The following CLEC16A variants were observed in gnomAD, a reference collection of about 807,000 sequenced individuals.
CLEC16A encodes C-type lectin domain containing 16A.
CLEC16A carries 51 observed loss-of-function variants against 109.5 expected under a neutral mutation model. The observed-to-expected ratio is 0.47, with a 90% confidence interval of 0.37 to 0.59. The LOEUF is 0.59. Ranked by LOEUF, CLEC16A falls within the 20% of genes least tolerant of loss-of-function variation. The pLI, the probability that CLEC16A is intolerant of heterozygous loss-of-function variation, is 0.00. For missense variants in CLEC16A, 1,339 were observed against 1,394.0 expected, an observed-to-expected ratio of 0.96 and a Z score of 0.63; for synonymous variants, 673 against 564.2, an observed-to-expected ratio of 1.19 and a Z score of -2.73.
intron 19 of CLEC16A, among the ~76,000 whole-genome samples, chr16:11,100,579 C>T (rs573284789): frequency 6.6e-6 from 1 of 152,244 alleles, no homozygotes; most frequent in East Asian, 1.9e-4. Context: ...TGGGCATTTC[C>T]TGCTTGGGGT....
At chr16:11,000,794 G>A (rs2044624344) in intron 10 of CLEC16A, among the ~76,000 whole-genome samples, 1 of 152,234 alleles carries the variant, frequency 6.6e-6, no homozygotes, top group East Asian at 1.9e-4. Context: ...CTTTCAATTA[G>A]GTTTTGTTTT....
At chr16:10,969,346 G>C in intron 4 of CLEC16A, 37 bp downstream of exon 4, 7 of 1,380,444 alleles carry the variant, frequency 5.1e-6, no homozygotes, top group African/African-American at 1.5e-5. Flanking sequence ...TGGGTGTAAA[G>C]CCACACGTGG....
intron 19 of CLEC16A, among the ~76,000 whole-genome samples, chr16:11,102,227 T>C (rs1345513577): frequency 6.6e-6 from 1 of 152,212 alleles, no homozygotes; most frequent in Admixed American, 6.5e-5. Context: ...GGTATTGTAT[T>C]ACACACAGCT....
chr16:11,133,353 ATTT>A (rs576281033), intron 22 of CLEC16A, among the ~76,000 whole-genome samples: 1 of 149,098 alleles, frequency 6.7e-6, no homozygotes, highest in African/African-American at 2.5e-5. Context: ...AAAAAAAAAA[ATTT>A]TTTTTTTGAC....
intron 18 of CLEC16A, among the ~76,000 whole-genome samples, chr16:11,052,558 G>C (rs1282578826): frequency 6.6e-6 from 1 of 152,080 alleles, no homozygotes; most frequent in East Asian, 1.9e-4. Context: ...ATTTCCAACT[G>C]TCTGACCAAA....
intron 19 of CLEC16A, among the ~76,000 whole-genome samples, chr16:11,080,052 A>G (rs1567289369): frequency 6.6e-6 from 1 of 152,204 alleles, no homozygotes; most frequent in Non-Finnish European, 1.5e-5. Flanking sequence ...AGTAACCATA[A>G]TAGATCCCAT....
In CLEC16A at chr16:11,047,016, G is replaced by GT. The variant is rs3217115; in HGVS notation, c.1816-266dup. Among the ~76,000 whole-genome samples, 460 of 150,196 alleles carry GT rather than the reference G, an allele frequency of 3.1e-3. 1 individual carries two copies. Among genetic ancestry groups the GT allele is most frequent in the African/African-American group, 0.01 (427 of 40,840 alleles). On this transcript the variant is annotated intron_variant, in intron 16 of 23. Coordinates refer to ENST00000409790, the MANE Select transcript of CLEC16A (RefSeq NM_015226.3). The stretch of plus-strand genomic sequence containing the variant: ...TTCTATATTTTAATCCTACATAGTA[G>GT]TTTTTTTTTTAATTAACTGCTTTGA...
chr16:11,178,743 G>T lies in CLEC16A; in HGVS notation c.*53G>T. 7.4e-7 allele frequency: 1 copy of T among 1,353,996 alleles called. No individual in the cohort carries two copies. The highest frequency in any genetic ancestry group is 9.8e-7 in the Non-Finnish European group (1 of 1,024,616). The allele number at this position is 1,353,996 out of a possible 1,614,324, so 83.9% of individuals were successfully genotyped here. On this transcript the variant is annotated 3_prime_UTR_variant, in exon 24 of 24. Transcript: ENST00000409790. This position sits in a 1 kb window ranked among gnomAD's most constrained non-coding sequence, Gnocchi z 6.5. Reference sequence around the variant, plus strand: ...TGTGGCCCCGCTGGTAGGGACCCCAGTGCCGCTGACTGGCAAGACACACTG... The same window carrying T: ...TGTGGCCCCGCTGGTAGGGACCCCATTGCCGCTGACTGGCAAGACACACTG...
At chr16:11,042,419 A>T (rs966566812) in intron 15 of CLEC16A, 56 bp downstream of exon 15, 8 of 1,380,280 alleles carry the variant, frequency 5.8e-6, no homozygotes, top group Non-Finnish European at 8.0e-6. Context: ...ACAGGAGGAC[A>T]GGAGGGAAGC....
chr16:11,111,334 G>A (rs962590447), intron 19 of CLEC16A, among the ~76,000 whole-genome samples: 6 of 152,168 alleles, frequency 3.9e-5, no homozygotes, highest in Admixed American at 3.9e-4. Context: ...AGCTGGCTGT[G>A]GGCCTGGACC....
At chr16:11,007,012 C>T (rs1438260985) in intron 11 of CLEC16A, among the ~76,000 whole-genome samples, 4 of 152,256 alleles carry the variant, frequency 2.6e-5, no homozygotes, top group Admixed American at 2.0e-4. Flanking sequence ...TCCTAGGGTA[C>T]GTGCTTGTTT....
At chr16:11,001,870 G>C (rs2044689993) in intron 10 of CLEC16A, among the ~76,000 whole-genome samples, 1 of 152,176 alleles carries the variant, frequency 6.6e-6, no homozygotes, top group Non-Finnish European at 1.5e-5. Flanking sequence ...ACTTATTGCT[G>C]ATACTTACTA....
At chr16:11,074,706 CTT>C (rs1238774441) in intron 19 of CLEC16A, among the ~76,000 whole-genome samples, 1 of 152,190 alleles carries the variant, frequency 6.6e-6, no homozygotes, top group Non-Finnish European at 1.5e-5. Flanking sequence ...ACTGTGCCCT[CTT>C]TTGTTGTTGA....
At chr16:11,133,816 G>C (rs927183814) in intron 22 of CLEC16A, among the ~76,000 whole-genome samples, 2 of 152,154 alleles carry the variant, frequency 1.3e-5, no homozygotes, top group African/African-American at 4.8e-5. Context: ...ACAGGAAGAA[G>C]GACCTGGGGC....
rs531217875 is a variant in CLEC16A at position 10,961,955 on chromosome 16, T to C, written c.210-500T>C. On this transcript the variant is annotated intron_variant, in intron 2 of 23. Transcript: ENST00000409790. The surrounding 1 kb of genome is among the most constrained non-coding windows in gnomAD (Gnocchi z 4.3). ...GGGCTAAAGCTTTTTGGGAACTTTT[T>C]TTTCTTTTTTTTCTTTTTTTTTTTT... 1.0e-5 allele frequency among the ~76,000 whole-genome samples: 1 copy of C among 95,626 alleles called. No individual in the cohort carries two copies. The highest frequency in any genetic ancestry group is 1.2e-4 in the Admixed American group (1 of 8,190). The allele number at this position is 95,626 out of a possible 152,430, so 62.7% of individuals were successfully genotyped here.
chr16:11,031,392 C>T (rs756645446), intron 13 of CLEC16A, among the ~76,000 whole-genome samples: 28 of 152,314 alleles, frequency 1.8e-4, no homozygotes, highest in Admixed American at 3.3e-4. Flanking sequence ...GGAGCAGAGA[C>T]GTCATGGCTT....
intron 22 of CLEC16A, among the ~76,000 whole-genome samples, chr16:11,154,275 A>G (rs746100778): frequency 1.3e-5 from 2 of 152,240 alleles, no homozygotes; most frequent in African/African-American, 2.4e-5. Context: ...CTGTAGGTCA[A>G]GTTAGTTGAA....
intron 16 of CLEC16A, 83 bp from the exon 17 acceptor site, chr16:11,047,209 C>A: frequency 1.7e-6 from 2 of 1,174,968 alleles, no homozygotes; most frequent in Non-Finnish European, 2.3e-6. Flanking sequence ...CCTCTAAAGC[C>A]ACAAACTAGA....
chr16:11,065,616 AG>A (rs138894827), intron 19 of CLEC16A, among the ~76,000 whole-genome samples: 1 of 152,350 alleles, frequency 6.6e-6, no homozygotes, highest in East Asian at 1.9e-4. Context: ...GCATGATCAC[AG>A]ACTGATTGGG....
Sources: allele counts gnomAD v4.1 joint callset (sites outside exome capture counted in the v4.1 genomes callset), GRCh38; gene constraint gnomAD v4.1.1; non-coding constraint Gnocchi (gnomAD v3.1); transcripts MANE v1.5; gene names NCBI Gene and HGNC (gene_info 2026-07-23, HGNC 2026-07-21).